PRPSAP2: variants seen among roughly 807,000 people sequenced by gnomAD.
The protein encoded by PRPSAP2 is phosphoribosyl pyrophosphate synthetase associated protein 2, also known as phosphoribosyl pyrophosphate synthase-associated protein 2.
A neutral mutation model predicts 40.6 loss-of-function variants in PRPSAP2; 24 were observed. That is an observed-to-expected ratio of 0.59 (90% CI 0.43 to 0.83). The LOEUF (loss-of-function observed/expected upper bound fraction) is 0.83. Among genes scored for constraint, PRPSAP2 ranks in the 40% least tolerant of loss-of-function variants. PRPSAP2 has a pLI of 0.00. For synonymous variants in PRPSAP2, 149 were observed against 164.7 expected (o/e 0.90, Z 0.73); for missense variants, 292 against 465.6 (o/e 0.63, Z 3.43).
chr17:18,911,157 G>A lies in PRPSAP2; in HGVS notation c.639G>A (p.Glu213=), dbSNP rs758394777. ...TGGGAATTGCAGTGATTCATGGAGAGGCGCAGGATGCCGAGTCGGACTTGG... is the reference window on the plus strand; with the variant it reads ...TGGGAATTGCAGTGATTCATGGAGAAGCGCAGGATGCCGAGTCGGACTTGG... ...LRLGIAVIHG[E]AQDAESDLVD... Residue 213 remains glutamate (E), a synonymous_variant, in exon 9 of 12, where the codon GAG becomes GAA. Coordinates refer to ENST00000268835, the MANE Select transcript of PRPSAP2 (RefSeq NM_002767.4). This position sits in a 1 kb window ranked among gnomAD's most constrained non-coding sequence, Gnocchi z 4.5. The A allele has an allele frequency of 6.2e-7, 1 of 1,614,020 alleles. No homozygotes were observed. Among genetic ancestry groups the A allele is most frequent in the Non-Finnish European group, 8.5e-7 (1 of 1,179,920 alleles).
intron 1 of PRPSAP2, chr17:18,858,560 G>A (rs975841951): frequency 6.6e-6 from 1 of 152,264 alleles, no homozygotes; most frequent in African/African-American, 2.4e-5. Flanking sequence ...GATGGGACCT[G>A]TGGTGAGCAG....
At chr17:18,859,708 G>A (rs2036853976) in intron 1 of PRPSAP2, 2 of 152,210 alleles carry the variant, frequency 1.3e-5, no homozygotes, top group East Asian at 3.9e-4. Flanking sequence ...GATTTCCTTG[G>A]AGTGAGGCAC....
At chr17:18,867,457 C>A in intron 4 of PRPSAP2, 123 bp downstream of exon 4, 2 of 1,189,212 alleles carry the variant, frequency 1.7e-6, no homozygotes, top group South Asian at 1.4e-5. Flanking sequence ...AGCAAGAAGT[C>A]AGGCAGGCAA....
intron 4 of PRPSAP2, 76 bp downstream of exon 4, chr17:18,867,410 C>T: frequency 2.0e-6 from 3 of 1,491,320 alleles, no homozygotes; most frequent in South Asian, 1.1e-5. Flanking sequence ...TCATCCTTTA[C>T]TATTGAAACG....
intron 5 of PRPSAP2, 108 bp from the exon 6 acceptor site, chr17:18,877,590 G>T: frequency 9.4e-7 from 1 of 1,065,946 alleles, no homozygotes; most frequent in South Asian, 1.8e-5. Flanking sequence ...TTTCTGCCTT[G>T]CACCTTAGGT....
At chr17:18,908,030 C>T (rs943505199) in intron 8 of PRPSAP2, among the ~76,000 whole-genome samples, 24 of 152,070 alleles carry the variant, frequency 1.6e-4, no homozygotes, top group Non-Finnish European at 1.6e-4. Context: ...CCCAGCTACT[C>T]GGGAGGCTGA....
chr17:18,878,694 A>G (rs1450629190), intron 6 of PRPSAP2, among the ~76,000 whole-genome samples: 1 of 151,946 alleles, frequency 6.6e-6, no homozygotes, highest in Non-Finnish European at 1.5e-5. Flanking sequence ...AGTAGCTGGG[A>G]TTACAGGCAT....
intron 10 of PRPSAP2, chr17:18,928,270 A>T (rs1567759253): frequency 1.2e-5 from 2 of 164,314 alleles, no homozygotes; most frequent in Non-Finnish European, 2.7e-5. Flanking sequence ...TGGGTATTTT[A>T]TTATTAAAAA....
intron 7 of PRPSAP2, among the ~76,000 whole-genome samples, chr17:18,887,219 A>G (rs2039229573): frequency 6.6e-6 from 1 of 151,900 alleles, no homozygotes; most frequent in African/African-American, 2.4e-5. Flanking sequence ...ACAAGCGTGA[A>G]GCCACCGTGC....
intron 8 of PRPSAP2, among the ~76,000 whole-genome samples, chr17:18,899,827 C>G (rs2040156573): frequency 1.3e-5 from 2 of 151,660 alleles, no homozygotes; most frequent in South Asian, 4.1e-4. Context: ...TGAGCCACCA[C>G]CCCCAGCCCA....
At chr17:18,863,347 T>C (rs1261955415) in intron 1 of PRPSAP2, among the ~76,000 whole-genome samples, 3 of 152,058 alleles carry the variant, frequency 2.0e-5, no homozygotes, top group Non-Finnish European at 4.4e-5. Flanking sequence ...CACCTTGGCC[T>C]CACAAGGTGC....
At chr17:18,878,217 G>A (rs2038444402) in intron 6 of PRPSAP2, among the ~76,000 whole-genome samples, 1 of 152,144 alleles carries the variant, frequency 6.6e-6, no homozygotes, top group Non-Finnish European at 1.5e-5. Context: ...TACCCTGCTG[G>A]AGTTTTATTT....
At chr17:18,881,585 G>A (rs1388201423) in intron 6 of PRPSAP2, among the ~76,000 whole-genome samples, 1 of 151,696 alleles carries the variant, frequency 6.6e-6, no homozygotes, top group Non-Finnish European at 1.5e-5. Flanking sequence ...CACCCAGACT[G>A]GAATGCAGTG....
chr17:18,873,193 T>C (rs2038020405), intron 5 of PRPSAP2, among the ~76,000 whole-genome samples: 1 of 145,584 alleles, frequency 6.9e-6, no homozygotes, highest in African/African-American at 2.5e-5. Context: ...TAGAGGCTCT[T>C]TTTTTTTTTT....
At chr17:18,928,290 T>C (rs2042074316) in intron 10 of PRPSAP2, 1 of 167,356 alleles carries the variant, frequency 6.0e-6, no homozygotes, top group East Asian at 1.5e-4. Context: ...ACAATAATCA[T>C]TATTATTTTT....
At chr17:18,898,825 C>T (rs1296421599) in intron 8 of PRPSAP2, among the ~76,000 whole-genome samples, 2 of 152,080 alleles carry the variant, frequency 1.3e-5, no homozygotes, top group African/African-American at 4.8e-5. Context: ...TTTTTGAGTA[C>T]TTTTTTAGTC....
intron 9 of PRPSAP2, among the ~76,000 whole-genome samples, chr17:18,916,083 G>T (rs948559090): frequency 6.6e-6 from 1 of 152,066 alleles, no homozygotes. Flanking sequence ...CTCCCAAAGT[G>T]CTGGGATTAC....
chr17:18,910,174 CTT>C (rs1291697846), intron 8 of PRPSAP2, among the ~76,000 whole-genome samples: 1 of 152,120 alleles, frequency 6.6e-6, no homozygotes, highest in Non-Finnish European at 1.5e-5. Context: ...AATCCCAGCA[CTT>C]TGGGAGGTCG....
chr17:18,882,824 A>G (rs993095750), intron 7 of PRPSAP2, 141 bp downstream of exon 7: 1 of 599,280 alleles, frequency 1.7e-6, no homozygotes, highest in East Asian at 2.7e-5. Flanking sequence ...CTATAATCCA[A>G]CGCATTTTAG....
Sources: gnomAD v4.1 joint callset for allele counts (sites outside exome capture counted in the v4.1 genomes callset) on GRCh38, gnomAD v4.1.1 for gene constraint, Gnocchi (gnomAD v3.1) non-coding constraint, MANE v1.5 for transcripts, NCBI Gene and HGNC (gene_info 2026-07-23, HGNC 2026-07-21) for gene names.